SLC5A4: variants seen among roughly 807,000 people sequenced by gnomAD.
SLC5A4 encodes probable glucose sensor protein SLC5A4.
In SLC5A4, 55 loss-of-function variants were observed where a neutral mutation model predicts 70.3. That is an observed-to-expected ratio of 0.78 (90% CI 0.63 to 0.98). The LOEUF is 0.98. Ranked by LOEUF, SLC5A4 falls within the 50% of genes least tolerant of loss-of-function variation. The pLI, the probability that SLC5A4 is intolerant of heterozygous loss-of-function variation, is 0.00. For missense variants in SLC5A4, 735 were observed against 839.2 expected, an observed-to-expected ratio of 0.88 and a Z score of 1.53; for synonymous variants, 268 against 305.7, an observed-to-expected ratio of 0.88 and a Z score of 1.29.
At chr22:32,291,025 T>C in the SLC5A4 span, among the ~76,000 whole-genome samples, 8 of 152,288 alleles carry the variant, frequency 5.3e-5, no homozygotes, top group East Asian at 7.7e-4. Flanking sequence ...ATTTCTGATA[T>C]TGGAATTTGT....
chr22:32,305,323 C>T, the SLC5A4 span, among the ~76,000 whole-genome samples: 2 of 150,380 alleles, frequency 1.3e-5, no homozygotes, highest in Non-Finnish European at 2.9e-5. Flanking sequence ...GTCTCTCTGC[C>T]TGTCTCCTAA....
the SLC5A4 span, among the ~76,000 whole-genome samples, chr22:32,278,342 T>G: frequency 1.3e-5 from 2 of 152,226 alleles, no homozygotes; most frequent in African/African-American, 4.8e-5. Flanking sequence ...ATTCACTTTG[T>G]TTTTCTATTC....
At chr22:32,279,762 A>G in the SLC5A4 span, among the ~76,000 whole-genome samples, 2 of 152,340 alleles carry the variant, frequency 1.3e-5, no homozygotes, top group Admixed American at 1.3e-4. Context: ...TATTCAAACC[A>G]TAGCAGTGGG....
At chr22:32,239,183 T>C (rs1007213603) in intron 5 of SLC5A4, 93 bp from the exon 6 acceptor site, 1 of 843,866 alleles carries the variant, frequency 1.2e-6, no homozygotes, top group Non-Finnish European at 2.0e-6. Context: ...CCCTTCTTTT[T>C]CTGATAGACT....
the SLC5A4 span, among the ~76,000 whole-genome samples, chr22:32,325,754 A>G: frequency 2.2e-4 from 34 of 152,250 alleles, no homozygotes; most frequent in Admixed American, 5.2e-4. Context: ...GGTGGGGACC[A>G]CTAGTCCCTG....
chr22:32,250,769 A>G (rs7292033), intron 3 of SLC5A4, among the ~76,000 whole-genome samples: 28,157 of 151,920 alleles, frequency 0.19, 3,352 homozygotes, highest in African/African-American at 0.35. Context: ...AGAATACTAC[A>G]CAGCCATAAA....
chr22:32,233,458 G>A (rs1464345375), intron 8 of SLC5A4, among the ~76,000 whole-genome samples: 2 of 152,074 alleles, frequency 1.3e-5, no homozygotes, highest in African/African-American at 2.4e-5. Flanking sequence ...CCTGAAGGAC[G>A]GAATAAACTA....
chr22:32,310,980 C>A, the SLC5A4 span, among the ~76,000 whole-genome samples: 1 of 152,204 alleles, frequency 6.6e-6, no homozygotes, highest in Non-Finnish European at 1.5e-5. Context: ...CTTGAAACCA[C>A]CAAGCCTGTG....
intron 7 of SLC5A4, among the ~76,000 whole-genome samples, chr22:32,236,816 T>C (rs1270931398): frequency 6.6e-6 from 1 of 151,822 alleles, no homozygotes; most frequent in Non-Finnish European, 1.5e-5. Context: ...ACCATTCTCC[T>C]GCCTCAGCCT....
the SLC5A4 span, among the ~76,000 whole-genome samples, chr22:32,282,980 C>T: frequency 6.6e-6 from 1 of 152,208 alleles, no homozygotes; most frequent in Non-Finnish European, 1.5e-5. Context: ...GCCTTTACAA[C>T]GGTAAGCCAG....
At chr22:32,247,322 A>G in intron 5 of SLC5A4, 89 bp downstream of exon 5, 2 of 769,694 alleles carry the variant, frequency 2.6e-6, no homozygotes, top group South Asian at 2.9e-5. Context: ...GGCTGTTGAC[A>G]GTCTACACAT....
chr22:32,328,035 T>C, the SLC5A4 span, among the ~76,000 whole-genome samples: 1 of 151,346 alleles, frequency 6.6e-6, no homozygotes, highest in Non-Finnish European at 1.5e-5. Flanking sequence ...GCCCCAGCAA[T>C]TCACAAGCCG....
At chr22:32,258,541 C>A (rs1389020178), upstream of SLC5A4, among the ~76,000 whole-genome samples, 1 of 151,970 alleles carries the variant, frequency 6.6e-6, no homozygotes, top group East Asian at 1.9e-4. Context: ...TGAAATATCC[C>A]CTCACACCTG....
chr22:32,277,462 G>A, the SLC5A4 span, among the ~76,000 whole-genome samples: 1 of 152,074 alleles, frequency 6.6e-6, no homozygotes, highest in East Asian at 1.9e-4. Flanking sequence ...ACTAATAAAG[G>A]GGGAAAACTG....
chr22:32,271,440 G>A, the SLC5A4 span: 6 of 766,818 alleles, frequency 7.8e-6, no homozygotes, highest in East Asian at 2.8e-5. Context: ...CTTCCCCCAC[G>A]ACTCTCGGCT....
the SLC5A4 span, among the ~76,000 whole-genome samples, chr22:32,338,177 A>C: frequency 6.6e-6 from 1 of 152,264 alleles, no homozygotes; most frequent in East Asian, 1.9e-4. Context: ...TTAAGTAAAC[A>C]GAATGAGGGA....
the SLC5A4 span, among the ~76,000 whole-genome samples, chr22:32,298,167 G>A: frequency 7.4e-5 from 11 of 147,724 alleles, no homozygotes; most frequent in East Asian, 2.0e-3. Context: ...ATGTCTGCTA[G>A]GTCCGCTTGG....
the SLC5A4 span, among the ~76,000 whole-genome samples, chr22:32,304,547 G>C: frequency 6.6e-6 from 1 of 152,154 alleles, no homozygotes; most frequent in Non-Finnish European, 1.5e-5. Flanking sequence ...CCAAATAGCT[G>C]GAATGACAGG....
the SLC5A4 span, among the ~76,000 whole-genome samples, chr22:32,317,961 C>T: frequency 1.3e-5 from 2 of 152,176 alleles, no homozygotes; most frequent in Admixed American, 1.3e-4. Flanking sequence ...AGAATTTGCC[C>T]TTGTCAAGGT....
Sources: allele counts gnomAD v4.1 joint callset (sites outside exome capture counted in the v4.1 genomes callset), GRCh38; gene constraint gnomAD v4.1.1; transcripts MANE v1.5; gene names NCBI Gene and HGNC (gene_info 2026-07-23, HGNC 2026-07-21).